Variants in PPFIBP1 observed in about 807,000 individuals in gnomAD.
PPFIBP1 encodes liprin-beta-1.
Under a neutral mutation model 137.8 loss-of-function variants are expected in PPFIBP1, and 112 were observed. That is an observed-to-expected ratio of 0.81 (90% CI 0.70 to 0.95). The LOEUF is 0.95. PPFIBP1 is among the 40% of genes least tolerant of loss of function. PPFIBP1 has a pLI of 0.00. For synonymous variants in PPFIBP1, 378 were observed against 417.3 expected, an observed-to-expected ratio of 0.91 and a Z score of 1.15; for missense variants, 1,083 against 1,196.6, an observed-to-expected ratio of 0.91 and a Z score of 1.40.
In PPFIBP1 at chr12:27,688,284, G is replaced by T; in HGVS notation, c.2371-14G>T. 2.5e-6 allele frequency: 4 copies of T among 1,612,418 alleles called. No homozygotes were observed. On this transcript the variant is annotated splice_polypyrimidine_tract_variant and intron_variant, in intron 25 of 29. Coordinates refer to ENST00000228425, the MANE Select transcript of PPFIBP1 (RefSeq NM_003622.4). Reference sequence around the variant, plus strand: ...CAATTTAATATTTAGGATCCTGGTTGTGTGTTCCCATAGAATACCATCGCC... The same window carrying T: ...CAATTTAATATTTAGGATCCTGGTTTTGTGTTCCCATAGAATACCATCGCC...
At chr12:27,537,144 T>C (rs986640800) in intron 1 of PPFIBP1, among the ~76,000 whole-genome samples, 13 of 152,156 alleles carry the variant, frequency 8.5e-5, no homozygotes, top group African/African-American at 3.1e-4. Context: ...TCTCTCTTTT[T>C]TTTTTGAGAC....
chr12:27,547,483 T>C (rs55798524), intron 1 of PPFIBP1: 23,333 of 152,244 alleles, frequency 0.15, 2,073 homozygotes, highest in Middle Eastern at 0.27. Flanking sequence ...AGAAAAATAA[T>C]GCTCTGCATT....
At chr12:27,633,185 G>A (rs1371854651) in intron 2 of PPFIBP1, among the ~76,000 whole-genome samples, 177 bp from the exon 3 acceptor site, 1 of 152,026 alleles carries the variant, frequency 6.6e-6, no homozygotes, top group Non-Finnish European at 1.5e-5. Context: ...ACTGATACAG[G>A]TATCGCATGT....
In PPFIBP1 at chr12:27,692,841, T is replaced by C. The variant is rs759781493; in HGVS notation, c.2977T>C (p.Ser993Pro). The change falls in exon 30 of 30, where the codon TCC becomes CCC. Residue 993 changes from serine (S) to proline (P), a missense_variant. Transcript: ENST00000228425. Reference sequence around the variant, plus strand: ...CATGTTTAAAGATTTTGCTGCCCGTTCCCCCAGTGCCAGCATTACAGATGA... The same window carrying C: ...CATGTTTAAAGATTTTGCTGCCCGTCCCCCCAGTGCCAGCATTACAGATGA... ...DDMFKDFAAR[S>P]PSASITDEDS... is the part of the protein sequence containing the mutation. 1.9e-6 allele frequency: 3 copies of C among 1,614,102 alleles called. No individual in the cohort carries two copies. In the South Asian group the frequency reaches 3.3e-5, roughly 18 times the overall value.
At chr12:27,656,061 T>C (rs1284971622) in intron 8 of PPFIBP1, among the ~76,000 whole-genome samples, 1 of 152,240 alleles carries the variant, frequency 6.6e-6, no homozygotes, top group African/African-American at 2.4e-5. Flanking sequence ...CCCATTGTTG[T>C]AGGAGATTCT....
chr12:27,537,923 T>C (rs1192090405), intron 1 of PPFIBP1, among the ~76,000 whole-genome samples: 1 of 152,150 alleles, frequency 6.6e-6, no homozygotes, highest in African/African-American at 2.4e-5. Context: ...TGAATGTTGA[T>C]CTTTTAGTCT....
At chr12:27,641,562 CAT>C (rs2058105818) in intron 4 of PPFIBP1, among the ~76,000 whole-genome samples, 1 of 152,144 alleles carries the variant, frequency 6.6e-6, no homozygotes, top group Non-Finnish European at 1.5e-5. Flanking sequence ...TAATAAAAAA[CAT>C]TTTTTAAACA....
At chr12:27,686,763 G>A (rs1166617685) in intron 24 of PPFIBP1, among the ~76,000 whole-genome samples, 3 of 152,108 alleles carry the variant, frequency 2.0e-5, no homozygotes, top group Admixed American at 2.0e-4. Context: ...CTTGCTAGGA[G>A]CGGTGCCTCA....
chr12:27,593,708 TC>T, intron 2 of PPFIBP1: 1 of 606,044 alleles, frequency 1.7e-6, no homozygotes, highest in South Asian at 2.1e-5. Context: ...ACAGGTTGGC[TC>T]CATTTAGAAG....
chr12:27,647,126 T>G (rs7137836), intron 5 of PPFIBP1, among the ~76,000 whole-genome samples: 1 of 152,214 alleles, frequency 6.6e-6, no homozygotes, highest in Non-Finnish European at 1.5e-5. Flanking sequence ...CTCAGCCTCC[T>G]GAGTAACTGG....
intron 1 of PPFIBP1, among the ~76,000 whole-genome samples, chr12:27,544,437 C>G (rs747120399): frequency 6.6e-6 from 1 of 152,156 alleles, no homozygotes; most frequent in East Asian, 1.9e-4. Flanking sequence ...AATAAACTGT[C>G]GTCGGAGTGA....
At position 27,639,208 on chromosome 12, in the gene PPFIBP1, C is replaced by CT. The variant is rs2057924585; in HGVS notation, c.270+4094dup. On this transcript the variant is annotated intron_variant, in intron 4 of 29. Coordinates refer to ENST00000228425, the MANE Select transcript of PPFIBP1 (RefSeq NM_003622.4). The stretch of plus-strand genomic sequence containing the variant: ...TTTCTTTTAAAATTCAGAAGTGCGT[C>CT]TCCTGTGGTTAAAAAAAACTGTAGA... 3.9e-5 allele frequency among the ~76,000 whole-genome samples: 6 copies of CT among 152,240 alleles called. No homozygotes were observed. In the South Asian group the frequency reaches 1.2e-3, roughly 32 times the overall value.
chr12:27,638,640 A>C (rs1186591691), intron 4 of PPFIBP1, among the ~76,000 whole-genome samples: 8 of 152,176 alleles, frequency 5.3e-5, no homozygotes, highest in Non-Finnish European at 5.9e-5. Flanking sequence ...CAGAGCATAG[A>C]GAGTAGAGGG....
rs117153967 is a variant in PPFIBP1 at position 27,598,421 on chromosome 12, C to G, written c.-36+20182C>G. Reference sequence around the variant, plus strand: ...GAACAGCGTGGGAAAGACCCACCCCCCATGATTCAATTACCTCCGACTGGG... The same window carrying G: ...GAACAGCGTGGGAAAGACCCACCCCGCATGATTCAATTACCTCCGACTGGG... On this transcript the variant is annotated intron_variant, in intron 2 of 29. Coordinates refer to ENST00000228425, the MANE Select transcript of PPFIBP1 (RefSeq NM_003622.4). Among the ~76,000 whole-genome samples, 107 of 152,234 alleles carry G rather than the reference C, an allele frequency of 7.0e-4. 1 individual carries two copies. The East Asian group carries it at 0.02, about 28-fold the overall frequency.
At chr12:27,626,845 C>T (rs2056861954) in intron 2 of PPFIBP1, among the ~76,000 whole-genome samples, 1 of 152,140 alleles carries the variant, frequency 6.6e-6, no homozygotes, top group Non-Finnish European at 1.5e-5. Flanking sequence ...GGATTACAGG[C>T]GTGAGCCACC....
At chr12:27,654,517 G>A (rs927123247) in intron 7 of PPFIBP1, 11 of 518,054 alleles carry the variant, frequency 2.1e-5, no homozygotes, top group South Asian at 1.7e-4. Context: ...TAGGGCAGAC[G>A]CATTGGGGAT....
At chr12:27,568,093 C>A (rs900968663) in intron 1 of PPFIBP1, among the ~76,000 whole-genome samples, 1 of 152,152 alleles carries the variant, frequency 6.6e-6, no homozygotes, top group African/African-American at 2.4e-5. Context: ...TAATCTAACT[C>A]ATCTTTCCTC....
chr12:27,634,329 T>G (rs995195402), intron 3 of PPFIBP1, among the ~76,000 whole-genome samples: 18 of 152,222 alleles, frequency 1.2e-4, no homozygotes, highest in African/African-American at 4.3e-4. Context: ...ACTTAGCTCG[T>G]TCGCATGTGT....
chr12:27,528,817 A>G (rs1944075608), intron 1 of PPFIBP1, among the ~76,000 whole-genome samples: 1 of 152,160 alleles, frequency 6.6e-6, no homozygotes. Flanking sequence ...TGAGGTAAAT[A>G]CGTACCAGTC....
Sources: allele counts gnomAD v4.1 joint callset (sites outside exome capture counted in the v4.1 genomes callset), GRCh38; gene constraint gnomAD v4.1.1; transcripts MANE v1.5; gene names NCBI Gene and HGNC (gene_info 2026-07-23, HGNC 2026-07-21).